Variants in NOX4 observed in about 807,000 individuals in gnomAD.
NOX4 encodes NADPH oxidase 4.
In NOX4, 69 loss-of-function variants were observed where a neutral mutation model predicts 87.6. The ratio of observed to expected loss-of-function variants is 0.79; its 90% confidence interval spans 0.65 to 0.96. NOX4 has a LOEUF of 0.96. Ranked by LOEUF, NOX4 falls within the 40% of genes least tolerant of loss-of-function variation. The pLI, the probability that NOX4 is intolerant of heterozygous loss-of-function variation, is 0.00. For missense variants in NOX4, 680 were observed against 681.5 expected (o/e 1.00, Z 0.02); for synonymous variants, 275 against 238.2 (o/e 1.15, Z -1.42).
intron 17 of NOX4, among the ~76,000 whole-genome samples, chr11:89,335,306 A>T (rs775139173): frequency 1.9e-4 from 29 of 151,798 alleles, no homozygotes; most frequent in Non-Finnish European, 2.2e-4. Flanking sequence ...CACGTAGTCC[A>T]TAAGAACAAG....
At chr11:89,456,649 G>C (rs1254030851) in intron 2 of NOX4, among the ~76,000 whole-genome samples, 1 of 152,176 alleles carries the variant, frequency 6.6e-6, no homozygotes, top group Non-Finnish European at 1.5e-5. Flanking sequence ...AACAGGTGAG[G>C]AGTGCTCTGT....
At chr11:89,539,858 T>C in the NOX4 span, among the ~76,000 whole-genome samples, 1 of 152,100 alleles carries the variant, frequency 6.6e-6, no homozygotes, top group Non-Finnish European at 1.5e-5. Flanking sequence ...TGGAAGAGCG[T>C]CAAAGAATTT....
intron 11 of NOX4, among the ~76,000 whole-genome samples, chr11:89,392,972 CT>C (rs1941229719): frequency 6.6e-6 from 1 of 152,154 alleles, no homozygotes; most frequent in Admixed American, 6.6e-5. Flanking sequence ...AAGATAAGCA[CT>C]CCCATCCCTC....
chr11:89,457,225 C>T (rs1393512127), intron 2 of NOX4, among the ~76,000 whole-genome samples: 1 of 152,198 alleles, frequency 6.6e-6, no homozygotes, highest in African/African-American at 2.4e-5. Context: ...CACTGTGTCA[C>T]CACAGATGAT....
intron 12 of NOX4, among the ~76,000 whole-genome samples, chr11:89,359,527 A>G (rs1938350658): frequency 6.6e-6 from 1 of 151,968 alleles, no homozygotes; most frequent in South Asian, 2.1e-4. Context: ...CTACAAAAAA[A>G]AGAAAGAAAA....
intron 13 of NOX4, among the ~76,000 whole-genome samples, chr11:89,353,245 TCAAA>T (rs1026405604): frequency 6.6e-6 from 1 of 152,168 alleles, no homozygotes; most frequent in African/African-American, 2.4e-5. Context: ...TAAAATGCTA[TCAAA>T]CAGCATCACA....
upstream of NOX4, chr11:89,499,085 C>T (rs1421948012): frequency 6.5e-6 from 1 of 153,376 alleles, no homozygotes; most frequent in Non-Finnish European, 1.5e-5. Flanking sequence ...CTTTACCCCT[C>T]CGGTAGAGGG....
chr11:89,399,348 T>G (rs1005832878), intron 11 of NOX4, among the ~76,000 whole-genome samples: 4 of 147,744 alleles, frequency 2.7e-5, no homozygotes, highest in African/African-American at 9.9e-5. Context: ...AAATTCCATC[T>G]CCAAAGAAAA....
At chr11:89,399,166 T>C (rs1050266982) in intron 11 of NOX4, among the ~76,000 whole-genome samples, 1 of 151,604 alleles carries the variant, frequency 6.6e-6, no homozygotes, top group African/African-American at 2.4e-5. Context: ...CTAATCATAT[T>C]TGATGGTGTC....
In NOX4 at chr11:89,421,958, C is replaced by T. The variant is rs530978324; in HGVS notation, c.573G>A (p.Trp191Ter). 1.9e-6 allele frequency: 3 copies of T among 1,554,606 alleles called. No individual in the cohort carries two copies. Among genetic ancestry groups the T allele is most frequent in the African/African-American group, 1.4e-5 (1 of 71,538 alleles). ...AGACAAAGAAGAGGTTATGAGTATA[C>T]CAGAAGATATCATAGTTAGAAACTC... The part of the protein sequence containing the change: ...AIRVSNYDIF[W>*]YTHNLFFVFY... The change falls in exon 8 of 18, where the codon TGG becomes TGA. Residue 191 changes from tryptophan (W) to a stop codon, truncating the protein, a stop_gained. Transcript: ENST00000263317. LOFTEE classifies it high-confidence loss of function.
intron 7 of NOX4, among the ~76,000 whole-genome samples, chr11:89,422,797 T>G (rs1475424166): frequency 1.8e-5 from 1 of 55,670 alleles, no homozygotes; most frequent in East Asian, 4.0e-4. Context: ...AAGTTCTGAT[T>G]TTTTTTTTTT....
chr11:89,566,196 C>A, the NOX4 span, among the ~76,000 whole-genome samples: 1 of 152,126 alleles, frequency 6.6e-6, no homozygotes, highest in South Asian at 2.1e-4. Flanking sequence ...GCGCCAGCCA[C>A]AACGCCCAGC....
At chr11:89,505,005 C>G in the NOX4 span, among the ~76,000 whole-genome samples, 1 of 151,936 alleles carries the variant, frequency 6.6e-6, no homozygotes, top group South Asian at 2.1e-4. Flanking sequence ...CTAGCCCCAT[C>G]TTTCTCTCTT....
At chr11:89,580,250 T>A in the NOX4 span, among the ~76,000 whole-genome samples, 2 of 152,282 alleles carry the variant, frequency 1.3e-5, no homozygotes, top group East Asian at 3.9e-4. Context: ...AGTGGCATGA[T>A]TATAGCTCAC....
intron 11 of NOX4, among the ~76,000 whole-genome samples, chr11:89,397,282 C>T (rs1223264001): frequency 6.6e-6 from 1 of 152,100 alleles, no homozygotes; most frequent in Admixed American, 6.6e-5. Context: ...AGAACAAAGA[C>T]ACAATATACC....
intron 2 of NOX4, chr11:89,488,974 T>C: frequency 1.4e-6 from 1 of 702,802 alleles, no homozygotes; most frequent in Non-Finnish European, 2.6e-6. Context: ...ATCTGAAATG[T>C]ATAGGTTTCA....
chr11:89,507,059 C>T, the NOX4 span, among the ~76,000 whole-genome samples: 1 of 151,842 alleles, frequency 6.6e-6, no homozygotes, highest in African/African-American at 2.4e-5. Context: ...ATATGTACTG[C>T]ATGATTCCAT....
intron 7 of NOX4, among the ~76,000 whole-genome samples, chr11:89,426,489 C>A (rs535640023): frequency 4.9e-4 from 74 of 152,138 alleles, no homozygotes; most frequent in African/African-American, 1.7e-3. Flanking sequence ...GAAGCTGTGA[C>A]AGATGGCACC....
At chr11:89,339,441 G>C (rs533635847) in intron 15 of NOX4, among the ~76,000 whole-genome samples, 2 of 152,302 alleles carry the variant, frequency 1.3e-5, no homozygotes, top group South Asian at 4.1e-4. Context: ...AAGGTAGTAA[G>C]AGAGGATTTT....
Sources: allele counts gnomAD v4.1 joint callset (sites outside exome capture counted in the v4.1 genomes callset), GRCh38; gene constraint gnomAD v4.1.1; transcripts MANE v1.5; gene names NCBI Gene and HGNC (gene_info 2026-07-23, HGNC 2026-07-21).